The following RBFOX2 variants were observed in gnomAD, a reference collection of about 807,000 sequenced individuals.
RBFOX2 encodes RNA binding protein fox-1 homolog 2.
RBFOX2 carries 10 observed loss-of-function variants against 49.1 expected under a neutral mutation model. The observed-to-expected ratio is 0.20, with a 90% CI of 0.13 to 0.35. RBFOX2 has a LOEUF of 0.35. RBFOX2 is among the 10% of genes least tolerant of loss of function. The pLI, the probability that RBFOX2 is intolerant of heterozygous loss-of-function variation, is 1.00. For synonymous variants in RBFOX2, 183 were observed against 187.4 expected (o/e 0.98, Z 0.19); for missense variants, 323 against 486.9 (o/e 0.66, Z 3.17).
intron 1 of RBFOX2, among the ~76,000 whole-genome samples, chr22:35,913,829 A>G (rs918618386): frequency 6.6e-6 from 1 of 152,048 alleles, no homozygotes; most frequent in Non-Finnish European, 1.5e-5. Context: ...AGAAAAGAAA[A>G]TATCTGCCTG....
Position 35,887,148 on chromosome 22 carries a change from G to A in RBFOX2, c.-34+51699C>T, listed in dbSNP as rs117888688. On this transcript the variant is annotated intron_variant, in intron 1 of 13. Transcript: ENST00000359369. ...GAAACATGACCAGAAAGAGATAGTT[G>A]TTTAACATTAAATGTCATATTAAAA... Among the ~76,000 whole-genome samples the A allele has an allele frequency of 4.6e-5, 7 of 152,114 alleles. No homozygotes were observed. The East Asian group carries it at 1.4e-3, about 29-fold the overall frequency.
At chr22:35,784,182 G>A (rs546230945) in intron 2 of RBFOX2, among the ~76,000 whole-genome samples, 1 of 152,214 alleles carries the variant, frequency 6.6e-6, no homozygotes, top group African/African-American at 2.4e-5. Flanking sequence ...CAACTCAAAA[G>A]AATCTGAAGA....
intron 1 of RBFOX2, among the ~76,000 whole-genome samples, chr22:35,924,232 A>C (rs1168453648): frequency 6.6e-6 from 1 of 152,218 alleles, no homozygotes; most frequent in Non-Finnish European, 1.5e-5. Context: ...AATTAAGATA[A>C]TGTATGGGTT....
At chr22:35,818,027 T>G (rs1221295216) in intron 1 of RBFOX2, among the ~76,000 whole-genome samples, 1 of 151,750 alleles carries the variant, frequency 6.6e-6, no homozygotes, top group Non-Finnish European at 1.5e-5. Context: ...AGTCCGGTCT[T>G]TCCCTTGAGG....
chr22:35,898,419 C>CTTT (rs749708583), intron 1 of RBFOX2: 2,918 of 275,964 alleles, frequency 0.011, 2 homozygotes, highest in South Asian at 0.02. Context: ...TCCCACAATC[C>CTTT]TTTTTTTTTT....
intron 1 of RBFOX2, among the ~76,000 whole-genome samples, chr22:35,984,021 T>A (rs573399495): frequency 1.3e-5 from 2 of 152,272 alleles, no homozygotes; most frequent in African/African-American, 2.4e-5. Flanking sequence ...ATAATTTTTT[T>A]AATAATTCTC....
At chr22:35,956,789 G>A (rs527691605) in intron 1 of RBFOX2, among the ~76,000 whole-genome samples, 1 of 152,172 alleles carries the variant, frequency 6.6e-6, no homozygotes, top group African/African-American at 2.4e-5. Context: ...TTAGATAACT[G>A]TCATACTTAG....
chr22:35,810,738 A>C (rs747235682), intron 1 of RBFOX2, among the ~76,000 whole-genome samples: 15 of 152,204 alleles, frequency 9.9e-5, no homozygotes, highest in Non-Finnish European at 1.8e-4. Context: ...AACAGCACTT[A>C]TTTATTTACA....
chr22:35,860,222 G>A (rs1039912082), intron 1 of RBFOX2, among the ~76,000 whole-genome samples: 8 of 152,116 alleles, frequency 5.3e-5, no homozygotes, highest in Non-Finnish European at 1.0e-4. Context: ...CTTGACAGGT[G>A]CCTGTTCACT....
upstream of RBFOX2, among the ~76,000 whole-genome samples, chr22:35,841,919 G>A (rs1200708716): frequency 3.9e-5 from 6 of 152,134 alleles, no homozygotes; most frequent in South Asian, 4.1e-4. Context: ...TTGGCCAGGC[G>A]CAGTGTCTCA....
At chr22:35,879,611 G>A (rs2149272699) in intron 1 of RBFOX2, among the ~76,000 whole-genome samples, 1 of 152,306 alleles carries the variant, frequency 6.6e-6, no homozygotes, top group Non-Finnish European at 1.5e-5. Flanking sequence ...GAGAACAGGA[G>A]GAGATGAAAG....
intron 1 of RBFOX2, among the ~76,000 whole-genome samples, chr22:36,004,522 G>T (rs561673175): frequency 1.3e-5 from 2 of 152,236 alleles, no homozygotes; most frequent in African/African-American, 4.8e-5. Flanking sequence ...ACAGCTGGGC[G>T]AGGTGGTTCA....
intron 1 of RBFOX2, among the ~76,000 whole-genome samples, chr22:35,888,598 G>C (rs1006229769): frequency 2.6e-5 from 4 of 152,164 alleles, no homozygotes; most frequent in African/African-American, 9.7e-5. Flanking sequence ...CCTGCATCTG[G>C]TGAGGGTCTC....
chr22:35,990,601 T>C (rs1353925885), intron 1 of RBFOX2, among the ~76,000 whole-genome samples: 1 of 152,096 alleles, frequency 6.6e-6, no homozygotes, highest in Admixed American at 6.5e-5. Context: ...TTAGAATAGT[T>C]GGTGAAAGAG....
At chr22:35,923,280 G>A (rs1603449084) in intron 1 of RBFOX2, among the ~76,000 whole-genome samples, 1 of 152,294 alleles carries the variant, frequency 6.6e-6, no homozygotes, top group South Asian at 2.1e-4. Context: ...TTTTCAAACT[G>A]TCTTCCAGTC....
At chr22:35,954,179 G>A (rs566220378) in intron 1 of RBFOX2, among the ~76,000 whole-genome samples, 1 of 151,918 alleles carries the variant, frequency 6.6e-6, no homozygotes, top group East Asian at 1.9e-4. Flanking sequence ...TGTGGGGGGA[G>A]GAGGTTTCTT....
chr22:35,896,533 T>C (rs754831887), intron 1 of RBFOX2, among the ~76,000 whole-genome samples: 12 of 152,190 alleles, frequency 7.9e-5, no homozygotes, highest in Non-Finnish European at 1.5e-4. Context: ...ATGCAGGTAC[T>C]TTCACTCTCC....
exon 1 of RBFOX2, chr22:35,840,423 C>T: frequency 6.8e-7 from 1 of 1,464,380 alleles, no homozygotes; most frequent in East Asian, 2.4e-5. Context: ...CCCCCTCCTT[C>T]TTTCTCCAGC....
chr22:35,813,501 GCT>G (rs1952344999), intron 1 of RBFOX2, among the ~76,000 whole-genome samples: 1 of 152,174 alleles, frequency 6.6e-6, no homozygotes, highest in Admixed American at 6.5e-5. Flanking sequence ...AGACAGAATA[GCT>G]CTTTTCCCTA....
Sources: allele counts gnomAD v4.1 joint callset (sites outside exome capture counted in the v4.1 genomes callset), GRCh38; gene constraint gnomAD v4.1.1; transcripts MANE v1.5; gene names NCBI Gene and HGNC (gene_info 2026-07-23, HGNC 2026-07-21).